The following COL23A1 variants were observed in gnomAD, a reference collection of about 807,000 sequenced individuals.
The protein encoded by COL23A1 is collagen type XXIII alpha 1 chain.
Under a neutral mutation model 99.3 loss-of-function variants are expected in COL23A1, and 97 were observed. The observed-to-expected ratio is 0.98, with a 90% CI of 0.83 to 1.16. The LOEUF (loss-of-function observed/expected upper bound fraction) is 1.16, where lower values mean the gene tolerates loss of function less well. Ranked by LOEUF, COL23A1 falls within the 50% of genes most tolerant of loss-of-function variation. The pLI is 0.00. For missense variants in COL23A1, 762 were observed against 757.4 expected (o/e 1.01, Z -0.07); for synonymous variants, 320 against 308.2 (o/e 1.04, Z -0.40).
At chr5:178,484,504 T>C (rs1173082409) in intron 2 of COL23A1, among the ~76,000 whole-genome samples, 2 of 151,956 alleles carry the variant, frequency 1.3e-5, no homozygotes, top group Non-Finnish European at 2.9e-5. Flanking sequence ...ATGTGACTAG[T>C]GTGTCTGGCT....
chr5:178,467,637 C>T (rs945182967), intron 2 of COL23A1, among the ~76,000 whole-genome samples: 13 of 152,140 alleles, frequency 8.5e-5, no homozygotes, highest in African/African-American at 3.1e-4. Flanking sequence ...CTGTGTGTTG[C>T]CAAATCCCCA....
chr5:178,518,870 G>A (rs1444503112), intron 2 of COL23A1, among the ~76,000 whole-genome samples: 6 of 149,456 alleles, frequency 4.0e-5, no homozygotes, highest in African/African-American at 9.8e-5. Context: ...TCGCCGGCGC[G>A]GCGGCAAAGA....
At chr5:178,293,804 G>A (rs979154377) in intron 3 of COL23A1, among the ~76,000 whole-genome samples, 29 of 152,042 alleles carry the variant, frequency 1.9e-4, no homozygotes, top group African/African-American at 6.8e-4. Context: ...GGAATGGGCT[G>A]GAATTTGTGA....
rs1297996292 is a variant in COL23A1 at position 178,468,599 on chromosome 5, C to T, written c.361+92083G>A. 1.5e-5 allele frequency among the ~76,000 whole-genome samples: 2 copies of T among 137,592 alleles called. No homozygotes were observed. The highest frequency in any genetic ancestry group is 6.8e-5 in the African/African-American group (2 of 29,406). The allele number at this position is 137,592 out of a possible 152,430, so 90.3% of individuals were successfully genotyped here. A position where few individuals can be genotyped will look rare whatever the true frequency, so the allele number is the denominator to read the frequency against. On this transcript the variant is annotated intron_variant, in intron 2 of 28. Coordinates refer to ENST00000390654, the MANE Select transcript of COL23A1 (RefSeq NM_173465.4). The surrounding 1 kb of genome is among the most constrained non-coding windows in gnomAD (Gnocchi z 4.2). ...CTGCAGGCCACACGCAGAGCAGCTTCCCCTCCCCTCGAGTCCCCCCAGGCA... is the reference window on the plus strand; with the variant it reads ...CTGCAGGCCACACGCAGAGCAGCTTTCCCTCCCCTCGAGTCCCCCCAGGCA...
intron 5 of COL23A1, among the ~76,000 whole-genome samples, chr5:178,286,690 G>A (rs1042956907): frequency 1.3e-5 from 2 of 152,208 alleles, no homozygotes; most frequent in African/African-American, 4.8e-5. Context: ...ACCCAACTGG[G>A]TCCTGGGAGG....
At chr5:178,431,220 T>G (rs1267544104) in intron 2 of COL23A1, among the ~76,000 whole-genome samples, 1 of 152,136 alleles carries the variant, frequency 6.6e-6, no homozygotes, top group Non-Finnish European at 1.5e-5. Flanking sequence ...GGAGCTGGGC[T>G]TGGGGTTGCA....
intron 2 of COL23A1, among the ~76,000 whole-genome samples, chr5:178,416,951 C>T (rs146073953): frequency 2.6e-4 from 40 of 152,322 alleles, no homozygotes; most frequent in African/African-American, 9.1e-4. Flanking sequence ...ATCTGGCCTC[C>T]TCTCCTCTCT....
intron 2 of COL23A1, chr5:178,523,772 T>C (rs1760154709): frequency 6.6e-6 from 1 of 152,328 alleles, no homozygotes; most frequent in Non-Finnish European, 1.5e-5. Context: ...CTCTGCTCAA[T>C]GCAGGCAACG....
At chr5:178,342,508 C>G (rs1760727317) in intron 2 of COL23A1, among the ~76,000 whole-genome samples, 1 of 152,218 alleles carries the variant, frequency 6.6e-6, no homozygotes, top group African/African-American at 2.4e-5. Flanking sequence ...GAGACACAGG[C>G]TGCTGCTCTG....
chr5:178,485,447 C>A (rs1257057215), intron 2 of COL23A1, among the ~76,000 whole-genome samples: 2 of 150,102 alleles, frequency 1.3e-5, no homozygotes, highest in Non-Finnish European at 2.9e-5. Context: ...TGCACTCCAG[C>A]CTGGGTGACA....
intron 2 of COL23A1, among the ~76,000 whole-genome samples, chr5:178,445,091 TAGA>T (rs1767086414): frequency 6.6e-6 from 1 of 152,220 alleles, no homozygotes; most frequent in South Asian, 2.1e-4. Context: ...AAACACAGAC[TAGA>T]AGAATAATAC....
intron 5 of COL23A1, among the ~76,000 whole-genome samples, chr5:178,282,654 T>G (rs1208342385): frequency 3.3e-5 from 5 of 152,164 alleles, no homozygotes; most frequent in Non-Finnish European, 7.4e-5. Flanking sequence ...ATCTGTCAGG[T>G]AGGGTTGAAA....
At chr5:178,239,050 G>A in intron 28 of COL23A1, 91 bp downstream of exon 28, 1 of 1,425,780 alleles carries the variant, frequency 7.0e-7, no homozygotes, top group Non-Finnish European at 9.9e-7. Flanking sequence ...CCAGAGGTTT[G>A]AGTGACAGCA....
chr5:178,503,852 C>T (rs1469378629), intron 2 of COL23A1, among the ~76,000 whole-genome samples: 1 of 151,916 alleles, frequency 6.6e-6, no homozygotes, highest in African/African-American at 2.4e-5. Flanking sequence ...ATTAAAACTC[C>T]AGGTAAGGAT....
intron 11 of COL23A1, 100 bp downstream of exon 11, chr5:178,261,622 T>G: frequency 1.2e-6 from 1 of 812,648 alleles, no homozygotes; most frequent in Non-Finnish European, 2.1e-6. Flanking sequence ...CTGCCTTGGC[T>G]TCACTAGGGG....
chr5:178,456,408 C>T (rs1242944251), intron 2 of COL23A1, among the ~76,000 whole-genome samples: 1 of 152,130 alleles, frequency 6.6e-6, no homozygotes, highest in East Asian at 1.9e-4. Flanking sequence ...TCAAAAAACT[C>T]GAGAGTTTGG....
intron 2 of COL23A1, among the ~76,000 whole-genome samples, chr5:178,442,346 T>C (rs1581398334): frequency 6.6e-6 from 1 of 152,106 alleles, no homozygotes; most frequent in South Asian, 2.1e-4. Context: ...GGTTTGCAAA[T>C]TGAGATGGGA....
At chr5:178,321,595 T>C (rs941435413) in intron 2 of COL23A1, among the ~76,000 whole-genome samples, 2 of 146,142 alleles carry the variant, frequency 1.4e-5, no homozygotes, top group Non-Finnish European at 3.0e-5. Flanking sequence ...GTTCACGCCA[T>C]TCTCCTGCCT....
At chr5:178,324,405 G>A (rs1324627715) in intron 2 of COL23A1, among the ~76,000 whole-genome samples, 1 of 152,150 alleles carries the variant, frequency 6.6e-6, no homozygotes, top group South Asian at 2.1e-4. Flanking sequence ...GATGGCTGGA[G>A]TCAAGTTGTG....
Sources: allele counts gnomAD v4.1 joint callset (sites outside exome capture counted in the v4.1 genomes callset), GRCh38; gene constraint gnomAD v4.1.1; non-coding constraint Gnocchi (gnomAD v3.1); transcripts MANE v1.5; gene names NCBI Gene and HGNC (gene_info 2026-07-23, HGNC 2026-07-21).